Variants in APBA2 observed in about 807,000 individuals in gnomAD.
APBA2 encodes amyloid beta precursor protein binding family A member 2.
Under a neutral mutation model 75.0 loss-of-function variants are expected in APBA2, and 30 were observed. The observed-to-expected ratio is 0.40, with a 90% confidence interval of 0.30 to 0.54. The LOEUF (loss-of-function observed/expected upper bound fraction) is 0.54. Ranked by LOEUF, APBA2 falls within the 20% of genes least tolerant of loss-of-function variation. The pLI, the probability that APBA2 is intolerant of heterozygous loss-of-function variation, is 0.49. For synonymous variants in APBA2, 444 were observed against 409.6 expected (o/e 1.08, Z -1.01); for missense variants, 801 against 1,016.1 (o/e 0.79, Z 2.88).
chr15:29,044,606 C>G (rs59203516), intron 3 of APBA2, among the ~76,000 whole-genome samples: 1 of 152,000 alleles, frequency 6.6e-6, no homozygotes, highest in Non-Finnish European at 1.5e-5. Flanking sequence ...GCCACACCCC[C>G]CCTGGGCTCA....
At chr15:28,965,680 A>T (rs889215445) in intron 2 of APBA2, among the ~76,000 whole-genome samples, 1 of 152,088 alleles carries the variant, frequency 6.6e-6, no homozygotes, top group Admixed American at 6.5e-5. Context: ...GATCCTGTAC[A>T]TATTTTGTTA....
intron 3 of APBA2, among the ~76,000 whole-genome samples, chr15:29,049,554 G>A (rs1247919128): frequency 1.3e-5 from 2 of 152,254 alleles, no homozygotes; most frequent in East Asian, 3.9e-4. Flanking sequence ...AGCAGATCTG[G>A]CTGAGGACAG....
intron 1 of APBA2, among the ~76,000 whole-genome samples, chr15:28,899,247 C>A (rs1004529471): frequency 1.4e-4 from 22 of 152,238 alleles, no homozygotes; most frequent in African/African-American, 5.3e-4. Context: ...CCCAGAGGCG[C>A]CCCATCTCCT....
intron 6 of APBA2, among the ~76,000 whole-genome samples, chr15:29,081,760 G>C (rs773922376): frequency 6.6e-6 from 1 of 152,266 alleles, no homozygotes; most frequent in Non-Finnish European, 1.5e-5. Flanking sequence ...GCACAGGATC[G>C]GTTGAGTGGA....
rs200583143 is a variant in APBA2, at chr15:29,065,026, T to TGC, written c.952-9894_952-9893dup. 1.3e-3 allele frequency among the ~76,000 whole-genome samples: 202 copies of TGC among 151,926 alleles called. 2 individuals carry two copies. Among genetic ancestry groups the TGC allele is most frequent in the African/African-American group, 4.6e-3 (191 of 41,342 alleles). ...CATAGTGTGTGTGTGTGTGTGTGTG[T>TGC]GCACGCACGCTTGTATGTGAGATAT... On this transcript the variant is annotated intron_variant, in intron 4 of 14. Transcript: ENST00000683413.
chr15:29,052,684 G>C (rs1338398921), intron 3 of APBA2, among the ~76,000 whole-genome samples: 2 of 152,092 alleles, frequency 1.3e-5, no homozygotes, highest in East Asian at 3.9e-4. Context: ...TCTGTTTTCT[G>C]TTGCTATAAC....
intron 2 of APBA2, among the ~76,000 whole-genome samples, chr15:28,930,182 C>T (rs1251339519): frequency 6.6e-6 from 1 of 152,178 alleles, no homozygotes; most frequent in African/African-American, 2.4e-5. Flanking sequence ...GGCAGGGCTG[C>T]ATTGTGGTGG....
At chr15:28,902,610 A>G (rs1211510981) in intron 1 of APBA2, among the ~76,000 whole-genome samples, 4 of 152,222 alleles carry the variant, frequency 2.6e-5, no homozygotes. Flanking sequence ...AGATTCATTA[A>G]TTGTGATTCA....
At chr15:28,961,018 C>T (rs1201738385) in intron 2 of APBA2, among the ~76,000 whole-genome samples, 2 of 152,090 alleles carry the variant, frequency 1.3e-5, no homozygotes, top group African/African-American at 4.8e-5. Context: ...CTCAGCCTCC[C>T]AGAGTGCTGG....
intron 8 of APBA2, among the ~76,000 whole-genome samples, chr15:29,097,345 C>T (rs1223616308): frequency 1.3e-5 from 2 of 152,280 alleles, no homozygotes; most frequent in African/African-American, 4.8e-5. Flanking sequence ...CCCGCCCCAT[C>T]TCGGTCAAGC....
At chr15:29,009,684 A>G (rs2039303230) in intron 3 of APBA2, among the ~76,000 whole-genome samples, 2 of 152,132 alleles carry the variant, frequency 1.3e-5, no homozygotes, top group African/African-American at 2.4e-5. Flanking sequence ...TACAATATAT[A>G]CTGTTTTATG....
At chr15:29,057,381 G>A (rs1449802013) in intron 4 of APBA2, among the ~76,000 whole-genome samples, 1 of 152,176 alleles carries the variant, frequency 6.6e-6, no homozygotes, top group Non-Finnish European at 1.5e-5. Context: ...GCTTGAAAAA[G>A]TGTGTCCTGG....
intron 2 of APBA2, among the ~76,000 whole-genome samples, chr15:28,985,709 A>C (rs67063713): frequency 0.071 from 10,778 of 152,278 alleles, 520 homozygotes; most frequent in East Asian, 0.17. Flanking sequence ...ACTGGTACAG[A>C]TGGGGTCTCC....
chr15:29,042,665 A>G (rs1226899670), intron 3 of APBA2, among the ~76,000 whole-genome samples: 1 of 151,784 alleles, frequency 6.6e-6, no homozygotes, highest in Non-Finnish European at 1.5e-5. Flanking sequence ...GATGTGGCTT[A>G]TTTTAAATCT....
chr15:28,940,962 A>G (rs2035188849), intron 2 of APBA2, among the ~76,000 whole-genome samples: 1 of 152,256 alleles, frequency 6.6e-6, no homozygotes, highest in African/African-American at 2.4e-5. Context: ...CCAGAGATGG[A>G]CAATTTGAAC....
At chr15:28,969,128 T>TTTTCTTTCTTTTTC (rs2036899901) in intron 2 of APBA2, among the ~76,000 whole-genome samples, 1 of 137,026 alleles carries the variant, frequency 7.3e-6, no homozygotes, top group South Asian at 2.5e-4. Context: ...TTTCATTTCT[T>TTTTCTTTCTTTTTC]TTTCTTTCTT....
chr15:28,958,432 AGATAGGTGAAGAT>A (rs1446132481), intron 2 of APBA2, among the ~76,000 whole-genome samples: 1 of 152,260 alleles, frequency 6.6e-6, no homozygotes, highest in Non-Finnish European at 1.5e-5. Flanking sequence ...TTAAGTGCAC[AGATAGGTGAAGAT>A]GAAAGTGTAG....
At chr15:28,898,742 G>A (rs1256814394) in intron 1 of APBA2, among the ~76,000 whole-genome samples, 3 of 152,140 alleles carry the variant, frequency 2.0e-5, no homozygotes, top group African/African-American at 4.8e-5. Context: ...GAGTTTTCAA[G>A]GTGAAATTTG....
chr15:29,045,245 A>AT (rs35591033), intron 3 of APBA2, among the ~76,000 whole-genome samples: 10,093 of 134,292 alleles, frequency 0.075, 1,213 homozygotes, highest in African/African-American at 0.25. Context: ...TGCCTGGCTA[A>AT]TTTTTTTTTT....
Sources: gnomAD v4.1 joint callset for allele counts (sites outside exome capture counted in the v4.1 genomes callset) on GRCh38, gnomAD v4.1.1 for gene constraint, MANE v1.5 for transcripts, NCBI Gene and HGNC (gene_info 2026-07-23, HGNC 2026-07-21) for gene names.